Variants in EXOC6 observed in about 807,000 individuals in gnomAD.
EXOC6 encodes exocyst complex component 6.
EXOC6 carries 60 observed loss-of-function variants against 112.5 expected under a neutral mutation model. The observed-to-expected ratio is 0.53, with a 90% confidence interval of 0.43 to 0.66. EXOC6 has a LOEUF of 0.66. Among genes scored for constraint, EXOC6 ranks in the 30% least tolerant of loss-of-function variants. The pLI, the probability that EXOC6 is intolerant of heterozygous loss-of-function variation, is 0.00. For synonymous variants in EXOC6, 295 were observed against 308.0 expected (o/e 0.96, Z 0.44); for missense variants, 855 against 957.1 (o/e 0.89, Z 1.41).
At chr10:92,948,232 A>G (rs760688503) in intron 13 of EXOC6, 42 bp from the exon 14 acceptor site, 5 of 1,281,166 alleles carry the variant, frequency 3.9e-6, no homozygotes, top group Non-Finnish European at 5.6e-6. Context: ...CTCTAATAAT[A>G]TGCTTTGTAA....
chr10:92,944,735 A>G (rs1488531422), intron 13 of EXOC6, among the ~76,000 whole-genome samples: 1 of 151,460 alleles, frequency 6.6e-6, no homozygotes, highest in Non-Finnish European at 1.5e-5. Flanking sequence ...CTGTTAGATA[A>G]TGGCCATTCT....
intron 19 of EXOC6, among the ~76,000 whole-genome samples, chr10:93,006,119 C>T (rs1843966879): frequency 6.6e-6 from 1 of 151,998 alleles, no homozygotes; most frequent in African/African-American, 2.4e-5. Flanking sequence ...GTGATCATGC[C>T]ACTGTACTCC....
chr10:92,964,041 C>T (rs1854166831), intron 17 of EXOC6, among the ~76,000 whole-genome samples: 2 of 151,072 alleles, frequency 1.3e-5, no homozygotes, highest in South Asian at 2.1e-4. Context: ...AATGAAAAAA[C>T]CTGATGAAAA....
chr10:92,988,965 A>G (rs1352422543), intron 18 of EXOC6, among the ~76,000 whole-genome samples: 1 of 152,222 alleles, frequency 6.6e-6, no homozygotes, highest in Non-Finnish European at 1.5e-5. Flanking sequence ...CTTCCCAAAG[A>G]CATTCTAATG....
intron 1 of EXOC6, among the ~76,000 whole-genome samples, chr10:92,876,364 G>C (rs1249443579): frequency 6.6e-6 from 1 of 152,078 alleles, no homozygotes; most frequent in African/African-American, 2.4e-5. Context: ...AAGCAAAGAA[G>C]GTACCATTGT....
intron 18 of EXOC6, among the ~76,000 whole-genome samples, chr10:92,976,669 AT>A (rs578165534): frequency 0.01 from 1,491 of 148,388 alleles, 28 homozygotes; most frequent in African/African-American, 0.035. Context: ...AAAAAAAAAA[AT>A]AATAAATTAA....
intron 20 of EXOC6, among the ~76,000 whole-genome samples, chr10:93,044,562 A>G (rs1190216125): frequency 6.6e-6 from 1 of 152,110 alleles, no homozygotes; most frequent in African/African-American, 2.4e-5. Flanking sequence ...GCAAAATGGT[A>G]ATGGGTCTGT....
intron 19 of EXOC6, among the ~76,000 whole-genome samples, chr10:92,997,935 G>A (rs1251243523): frequency 1.3e-5 from 2 of 152,132 alleles, no homozygotes; most frequent in African/African-American, 4.8e-5. Context: ...TGTCATAAAT[G>A]AATGAAATGA....
rs553237301 is a variant in EXOC6 at position 93,018,710 on chromosome 10, G to A, written c.2169+4443G>A. On this transcript the variant is annotated intron_variant, in intron 20 of 21. Coordinates refer to ENST00000260762, the MANE Select transcript of EXOC6 (RefSeq NM_019053.6). ...AATTCAGACAAATCAGTGGGAGAAA[G>A]CAGGGAAATGTATTCTGTGGTTTGT... Among the ~76,000 whole-genome samples the A allele has an allele frequency of 1.4e-3, 219 of 152,036 alleles. 1 individual carries two copies. Among genetic ancestry groups the A allele is most frequent in the Non-Finnish European group, 1.7e-3 (117 of 67,984 alleles).
At chr10:92,931,691 C>A (rs1421480333) in intron 9 of EXOC6, among the ~76,000 whole-genome samples, 1 of 151,678 alleles carries the variant, frequency 6.6e-6, no homozygotes, top group South Asian at 2.1e-4. Flanking sequence ...AGAAGATGCT[C>A]AGTATAATTT....
intron 1 of EXOC6, among the ~76,000 whole-genome samples, chr10:92,837,940 C>T (rs1846714245): frequency 6.6e-6 from 1 of 152,188 alleles, no homozygotes; most frequent in Non-Finnish European, 1.5e-5. Flanking sequence ...CAAATATTTT[C>T]TGCTGTAAAA....
chr10:92,980,543 G>C (rs963922573), intron 18 of EXOC6, among the ~76,000 whole-genome samples: 4 of 151,786 alleles, frequency 2.6e-5, no homozygotes, highest in Non-Finnish European at 5.9e-5. Flanking sequence ...CTTGATATTA[G>C]TTTTCATTCT....
intron 20 of EXOC6, among the ~76,000 whole-genome samples, chr10:93,034,256 G>A (rs1845406585): frequency 6.6e-6 from 1 of 152,184 alleles, no homozygotes; most frequent in Non-Finnish European, 1.5e-5. Flanking sequence ...CAACAGGGCA[G>A]TGGCATCGCT....
intron 19 of EXOC6, among the ~76,000 whole-genome samples, chr10:93,011,067 C>T (rs2134225085): frequency 6.6e-6 from 1 of 152,004 alleles, no homozygotes; most frequent in Non-Finnish European, 1.5e-5. Flanking sequence ...TGAAATTGAG[C>T]TTATTTTTGT....
At chr10:93,042,874 G>A (rs1327155618) in intron 20 of EXOC6, among the ~76,000 whole-genome samples, 2 of 151,830 alleles carry the variant, frequency 1.3e-5, no homozygotes, top group African/African-American at 4.8e-5. Flanking sequence ...CCAGCCAGAT[G>A]GTGCCGATTT....
intron 12 of EXOC6, among the ~76,000 whole-genome samples, chr10:92,940,325 G>A (rs1198598607): frequency 6.6e-6 from 1 of 152,110 alleles, no homozygotes; most frequent in South Asian, 2.1e-4. Context: ...TTAAATTGAA[G>A]GTGCAAAAGG....
intron 20 of EXOC6, among the ~76,000 whole-genome samples, chr10:93,047,896 A>G (rs964785434): frequency 1.2e-4 from 18 of 152,290 alleles, no homozygotes; most frequent in African/African-American, 4.3e-4. Flanking sequence ...CAGTGAGCCA[A>G]GATCACGCCA....
intron 18 of EXOC6, among the ~76,000 whole-genome samples, chr10:92,989,708 A>G (rs1282007675): frequency 6.6e-6 from 1 of 152,216 alleles, no homozygotes; most frequent in East Asian, 1.9e-4. Context: ...CTTCCTGCTG[A>G]TGAACCATAT....
chr10:92,928,300 G>GT, intron 8 of EXOC6, 39 bp from the exon 9 acceptor site: 1 of 1,129,910 alleles, frequency 8.9e-7, no homozygotes, highest in Non-Finnish European at 1.3e-6. Flanking sequence ...GTATGTGTGT[G>GT]TATGTGTATT....
Sources: gnomAD v4.1 joint callset for allele counts (sites outside exome capture counted in the v4.1 genomes callset) on GRCh38, gnomAD v4.1.1 for gene constraint, MANE v1.5 for transcripts, NCBI Gene and HGNC (gene_info 2026-07-23, HGNC 2026-07-21) for gene names.